Variants in PITPNM2 observed in about 807,000 individuals in gnomAD.
The protein encoded by PITPNM2 is phosphatidylinositol transfer protein membrane associated 2.
In PITPNM2, 35 loss-of-function variants were observed where a neutral mutation model predicts 132.2. The observed-to-expected ratio is 0.26, with a 90% confidence interval of 0.20 to 0.35. The LOEUF (loss-of-function observed/expected upper bound fraction) is 0.35. Among genes scored for constraint, PITPNM2 ranks in the 10% least tolerant of loss-of-function variants. PITPNM2 has a pLI of 1.00. For synonymous variants in PITPNM2, 738 were observed against 799.2 expected (o/e 0.92, Z 1.29); for missense variants, 1,332 against 1,912.0 (o/e 0.70, Z 5.66).
intron 2 of PITPNM2, among the ~76,000 whole-genome samples, chr12:123,062,761 A>T (rs2041286277): frequency 6.6e-6 from 1 of 152,218 alleles, no homozygotes; most frequent in Non-Finnish European, 1.5e-5. Context: ...TGAGTTACAA[A>T]AAAGTGTCTG....
chr12:123,071,520 C>A (rs76043792), intron 2 of PITPNM2, among the ~76,000 whole-genome samples: 66 of 152,282 alleles, frequency 4.3e-4, no homozygotes, highest in African/African-American at 1.4e-3. Flanking sequence ...ACAAACGGCT[C>A]GATGATCACA....
rs1047427248 is a variant in PITPNM2 at position 123,078,297 on chromosome 12, A to G, written c.-96+32088T>C. On this transcript the variant is annotated intron_variant, in intron 2 of 25. Transcript: ENST00000320201. The surrounding 1 kb of genome is among the most constrained non-coding windows in gnomAD (Gnocchi z 7.3). ...TGCAGCCTCCCCCATACCAGGCCTC[A>G]GGGTCCAGGTGGCCAGGCGGGGAGG... Among the ~76,000 whole-genome samples, 1 of 152,168 alleles carries G rather than the reference A, an allele frequency of 6.6e-6. No individual in the cohort carries two copies. The highest frequency in any genetic ancestry group is 1.5e-5 in the Non-Finnish European group (1 of 68,004).
At chr12:123,079,674 G>A (rs1444502945) in intron 2 of PITPNM2, among the ~76,000 whole-genome samples, 1 of 152,120 alleles carries the variant, frequency 6.6e-6, no homozygotes, top group Non-Finnish European at 1.5e-5. Flanking sequence ...TGATGAAAGT[G>A]TTCAAGCATA....
chr12:123,012,722 A>G lies in PITPNM2; in HGVS notation c.306T>C (p.Pro102=). 1 of 1,614,142 alleles carries G rather than the reference A, an allele frequency of 6.2e-7. No individual in the cohort carries two copies. Among genetic ancestry groups the G allele is most frequent in the Non-Finnish European group, 8.5e-7 (1 of 1,179,976 alleles). ...YPYTRTRFTC[P]FVEKFSIDIE... ...TGTCGATGGAGAATTTCTCCACGAA[A>G]GGACAGGTGAACCTGTGCGGAAAGG... The change falls in exon 5 of 26, where the codon CCT becomes CCC. Residue 102 remains proline (P), a synonymous_variant. Transcript: ENST00000320201.
At chr12:123,121,751 T>C (rs2043036779) in intron 1 of PITPNM2, among the ~76,000 whole-genome samples, 1 of 152,004 alleles carries the variant, frequency 6.6e-6, no homozygotes, top group African/African-American at 2.4e-5. Flanking sequence ...GTCTATGTTG[T>C]CCAGGGTGGT....
chr12:123,040,786 C>CT (rs1220138092), intron 2 of PITPNM2, among the ~76,000 whole-genome samples: 3 of 151,704 alleles, frequency 2.0e-5, no homozygotes, highest in Non-Finnish European at 2.9e-5. Context: ...GAACATGATA[C>CT]TTTTTTTAAA....
intron 3 of PITPNM2, among the ~76,000 whole-genome samples, chr12:123,018,364 G>C (rs1016604959): frequency 5.7e-5 from 8 of 141,512 alleles, no homozygotes; most frequent in African/African-American, 2.2e-4. Flanking sequence ...GCACGATCTA[G>C]GCTCATTGCA....
chr12:123,104,787 C>A (rs1006159168), intron 2 of PITPNM2, among the ~76,000 whole-genome samples: 1 of 152,140 alleles, frequency 6.6e-6, no homozygotes, highest in African/African-American at 2.4e-5. Flanking sequence ...TCTCTTCACA[C>A]GGACACACAT....
chr12:123,079,329 C>T (rs536823383), intron 2 of PITPNM2, among the ~76,000 whole-genome samples: 12 of 138,694 alleles, frequency 8.7e-5, no homozygotes, highest in African/African-American at 3.2e-4. Flanking sequence ...TTTTATTTCA[C>T]TTCTTTTTCT....
In PITPNM2 at chr12:122,992,347, C is replaced by G. The variant is rs770076615; in HGVS notation, c.2404+152G>C. Reference sequence around the variant, plus strand: ...GGAGGGATGCACCACCCCCACCCCCCACCCCCAACAGCTGTCCACCTCCAA... The same window carrying G: ...GGAGGGATGCACCACCCCCACCCCCGACCCCCAACAGCTGTCCACCTCCAA... On this transcript the variant is annotated intron_variant, in intron 16 of 25. Coordinates refer to ENST00000320201, the MANE Select transcript of PITPNM2 (RefSeq NM_020845.3). This position sits in a 1 kb window ranked among gnomAD's most constrained non-coding sequence, Gnocchi z 6.5. 7 of 379,264 alleles carry G rather than the reference C, an allele frequency of 1.8e-5. No homozygotes were observed. Among genetic ancestry groups the G allele is most frequent in the African/African-American group, 1.1e-4 (5 of 44,818 alleles). The allele number at this position is 379,264 out of a possible 1,614,324, so 23.5% of individuals were successfully genotyped here.
At chr12:123,020,755 G>GGCGA (rs1350832680) in intron 3 of PITPNM2, among the ~76,000 whole-genome samples, 1 of 152,080 alleles carries the variant, frequency 6.6e-6, no homozygotes, top group Non-Finnish European at 1.5e-5. Context: ...AGGCACAGTG[G>GGCGA]TTCATGCCTG....
rs776443617 is a variant in PITPNM2 at position 122,989,814 on chromosome 12, C to T, written c.2704G>A (p.Gly902Ser). Reference protein sequence around the residue: ...KASPGLERAPGLPELDIGEVA... With the variant: ...KASPGLERAPSLPELDIGEVA... Reference sequence around the variant, plus strand: ...TCTCCAATGTCCAGCTCAGGGAGGCCAGGGGCCCTCTCCAGGCCAGGGCTT... The same window carrying T: ...TCTCCAATGTCCAGCTCAGGGAGGCTAGGGGCCCTCTCCAGGCCAGGGCTT... Residue 902 changes from glycine (G) to serine (S), a missense_variant, in exon 18 of 26, where the codon GGC becomes AGC. Gly to Ser is a moderately conservative substitution (Grantham distance 56, BLOSUM62 0). Around this residue, in one of 6 missense-constraint regions of PITPNM2, gnomAD observed 710 missense variants for 911.5 expected, o/e 0.78. Coordinates refer to ENST00000320201, the MANE Select transcript of PITPNM2 (RefSeq NM_020845.3). The T allele has an allele frequency of 1.4e-6, 2 of 1,400,020 alleles. No homozygotes were observed. Among genetic ancestry groups the T allele is most frequent in the Non-Finnish European group, 1.9e-6 (2 of 1,072,864 alleles). 86.7% of individuals were successfully genotyped at this position (1,400,020 alleles called of 1,614,324 possible).
chr12:123,087,328 T>C (rs1042880411), intron 2 of PITPNM2: 1 of 152,022 alleles, frequency 6.6e-6, no homozygotes, highest in African/African-American at 2.4e-5. Context: ...CTCGACTCAC[T>C]GGCAACCTCC....
At chr12:123,128,602 A>C (rs1333446212) in intron 1 of PITPNM2, among the ~76,000 whole-genome samples, 3 of 151,490 alleles carry the variant, frequency 2.0e-5, no homozygotes, top group Non-Finnish European at 4.4e-5. Context: ...AAATACAAAA[A>C]ATTAGCTGGC....
intron 2 of PITPNM2, among the ~76,000 whole-genome samples, chr12:123,052,077 G>GTTTTTTTT (rs10606016): frequency 1.9e-3 from 188 of 100,594 alleles, no homozygotes; most frequent in East Asian, 2.4e-3. Flanking sequence ...TAATTTTATT[G>GTTTTTTTT]TTTTTTTTTT....
chr12:123,129,961 G>C (rs1438133131), intron 1 of PITPNM2, among the ~76,000 whole-genome samples: 1 of 151,694 alleles, frequency 6.6e-6, no homozygotes, highest in Non-Finnish European at 1.5e-5. Context: ...CTGGAGTGCA[G>C]TGGTACGATC....
intron 2 of PITPNM2, chr12:123,091,987 G>A (rs1169761502): frequency 6.6e-6 from 1 of 152,308 alleles, no homozygotes; most frequent in African/African-American, 2.4e-5. Flanking sequence ...CCAGGGGGAA[G>A]AGAGTCAACA....
At chr12:123,001,190 C>A in intron 8 of PITPNM2, 32 bp from the exon 9 acceptor site, 1 of 1,563,384 alleles carries the variant, frequency 6.4e-7, no homozygotes, top group Non-Finnish European at 8.8e-7. Flanking sequence ...TCAGGTGGGA[C>A]TGGGAACGCT....
At chr12:123,115,081 G>A (rs2042909489) in intron 1 of PITPNM2, among the ~76,000 whole-genome samples, 3 of 151,994 alleles carry the variant, frequency 2.0e-5, no homozygotes, top group South Asian at 2.1e-4. Context: ...CCTCTCACCC[G>A]CCCACCTCCC....
Sources: allele counts gnomAD v4.1 joint callset (sites outside exome capture counted in the v4.1 genomes callset), GRCh38; gene constraint gnomAD v4.1.1; regional missense constraint gnomAD v4.1.1; non-coding constraint Gnocchi (gnomAD v3.1); transcripts MANE v1.5; gene names NCBI Gene and HGNC (gene_info 2026-07-23, HGNC 2026-07-21).